The following ARHGAP17 variants were observed in gnomAD, a reference collection of about 807,000 sequenced individuals.
ARHGAP17 encodes rho GTPase-activating protein 17.
Under a neutral mutation model 99.5 loss-of-function variants are expected in ARHGAP17, and 57 were observed. The ratio of observed to expected loss-of-function variants is 0.57; its 90% CI spans 0.46 to 0.71. The LOEUF (loss-of-function observed/expected upper bound fraction) is 0.71, where lower values mean the gene tolerates loss of function less well. Among genes scored for constraint, ARHGAP17 ranks in the 30% least tolerant of loss-of-function variants. The pLI is 0.00. For missense variants in ARHGAP17, 1,000 were observed against 1,122.4 expected, an observed-to-expected ratio of 0.89 and a Z score of 1.56; for synonymous variants, 417 against 429.6, an observed-to-expected ratio of 0.97 and a Z score of 0.36.
intron 5 of ARHGAP17, 28 bp from the exon 6 acceptor site, chr16:24,968,455 T>C (rs758314889): frequency 3.9e-5 from 63 of 1,612,302 alleles, no homozygotes; most frequent in Non-Finnish European, 4.8e-5. Flanking sequence ...CCAAATGGGA[T>C]GCACTTCAGG....
intron 3 of ARHGAP17, 80 bp downstream of exon 3, chr16:24,977,135 A>G (rs1240262985): frequency 4.2e-6 from 5 of 1,182,588 alleles, no homozygotes; most frequent in Non-Finnish European, 5.6e-6. Context: ...GATGCCACTT[A>G]GGACAACCAA....
chr16:25,006,889 A>T (rs190995601), intron 1 of ARHGAP17, among the ~76,000 whole-genome samples: 1 of 152,220 alleles, frequency 6.6e-6, no homozygotes, highest in Non-Finnish European at 1.5e-5. Flanking sequence ...CTAGGGATAA[A>T]GAGACCCCAG....
intron 1 of ARHGAP17, among the ~76,000 whole-genome samples, chr16:25,008,822 T>C (rs1224210644): frequency 6.6e-6 from 1 of 152,242 alleles, no homozygotes. Context: ...GTTCATCATT[T>C]TTATGGTTTT....
chr16:24,932,554 G>C (rs1390269589), intron 18 of ARHGAP17, among the ~76,000 whole-genome samples: 1 of 152,090 alleles, frequency 6.6e-6, no homozygotes, highest in African/African-American at 2.4e-5. Context: ...CCTTCTCCTT[G>C]AGAGTTTGAT....
intron 1 of ARHGAP17, among the ~76,000 whole-genome samples, chr16:24,985,114 T>C (rs543253024): frequency 1.3e-5 from 2 of 152,276 alleles, no homozygotes; most frequent in East Asian, 3.9e-4. Context: ...ACATTTGTGG[T>C]TGTCATGATG....
chr16:24,938,160 G>C (rs1250231336), intron 17 of ARHGAP17, among the ~76,000 whole-genome samples: 1 of 152,124 alleles, frequency 6.6e-6, no homozygotes, highest in Non-Finnish European at 1.5e-5. Flanking sequence ...TCAGGAGTTT[G>C]AGACCAGCCT....
chr16:24,924,480 C>G (rs1043706089), intron 19 of ARHGAP17, among the ~76,000 whole-genome samples: 7 of 147,750 alleles, frequency 4.7e-5, no homozygotes, highest in African/African-American at 1.7e-4. Context: ...ACTGTATGAA[C>G]TTAGTTCCAA....
chr16:24,977,147 C>T, intron 3 of ARHGAP17, 68 bp downstream of exon 3: 1 of 1,308,202 alleles, frequency 7.6e-7, no homozygotes, highest in Non-Finnish European at 1.0e-6. Flanking sequence ...GACAACCAAC[C>T]AATCCAGGGG....
At chr16:24,969,286 A>G (rs1173154253) in intron 4 of ARHGAP17, among the ~76,000 whole-genome samples, 1 of 150,666 alleles carries the variant, frequency 6.6e-6, no homozygotes, top group East Asian at 1.9e-4. Flanking sequence ...GTGCAGTGAT[A>G]TAACTCCACA....
chr16:24,981,357 T>C (rs1007408577), intron 1 of ARHGAP17, among the ~76,000 whole-genome samples: 4 of 152,140 alleles, frequency 2.6e-5, no homozygotes, highest in Non-Finnish European at 5.9e-5. Flanking sequence ...TCATAGTAAC[T>C]AGTATGCTCA....
intron 18 of ARHGAP17, among the ~76,000 whole-genome samples, chr16:24,933,160 C>A (rs1186798528): frequency 6.6e-6 from 1 of 151,884 alleles, no homozygotes; most frequent in Non-Finnish European, 1.5e-5. Flanking sequence ...TCCTCTTCCT[C>A]CTTCCCCTAT....
At chr16:24,950,836 CAAAAAAAAAAAA>C (rs1177614713) in intron 12 of ARHGAP17, among the ~76,000 whole-genome samples, 2 of 39,444 alleles carry the variant, frequency 5.1e-5, no homozygotes, top group African/African-American at 1.0e-4. Context: ...GACTCCAACT[CAAAAAAAAAAAA>C]AAAAAAAAAA....
At chr16:24,988,234 T>C (rs2052932145) in intron 1 of ARHGAP17, among the ~76,000 whole-genome samples, 1 of 149,034 alleles carries the variant, frequency 6.7e-6, no homozygotes, top group African/African-American at 2.5e-5. Flanking sequence ...ATTTTTAAAA[T>C]AAACGACTCT....
rs548203253 is a variant in ARHGAP17, at chr16:24,968,835, G to A, written c.273-63C>T. 13 of 1,494,118 alleles carry A rather than the reference G, an allele frequency of 8.7e-6. No homozygotes were observed. The East Asian group carries it at 2.1e-4, about 24-fold the overall frequency. 92.6% of individuals were successfully genotyped at this position (1,494,118 alleles called of 1,614,324 possible). ...ATTAAATCAGGCACTGGATTATCGT[G>A]TGGATCAGTGCTGCTTGCCATACAA... is the stretch of plus-strand genomic sequence containing the variant. On this transcript the variant is annotated intron_variant, in intron 4 of 19. Transcript: ENST00000289968.
chr16:24,983,811 T>A (rs2052774708), intron 1 of ARHGAP17, among the ~76,000 whole-genome samples: 2 of 152,194 alleles, frequency 1.3e-5, no homozygotes, highest in Non-Finnish European at 2.9e-5. Flanking sequence ...ATGAAGCTAT[T>A]CTGCAATTTT....
chr16:24,968,468 T>C, intron 5 of ARHGAP17, 41 bp from the exon 6 acceptor site: 2 of 1,607,370 alleles, frequency 1.2e-6, no homozygotes, highest in Non-Finnish European at 1.7e-6. Flanking sequence ...ACTTCAGGGC[T>C]TTTAGGTTAA....
chr16:24,980,524 G>T (rs1320139827), intron 1 of ARHGAP17, among the ~76,000 whole-genome samples: 1 of 152,118 alleles, frequency 6.6e-6, no homozygotes, highest in Non-Finnish European at 1.5e-5. Flanking sequence ...CCAGCAACAG[G>T]CCAACATATG....
At chr16:24,926,414 C>T (rs1052146092) in intron 19 of ARHGAP17, among the ~76,000 whole-genome samples, 4 of 151,998 alleles carry the variant, frequency 2.6e-5, no homozygotes, top group Non-Finnish European at 2.9e-5. Context: ...GCACCCACCA[C>T]GACACCCAGC....
chr16:24,925,737 G>A (rs1288861305), intron 19 of ARHGAP17, among the ~76,000 whole-genome samples: 2 of 152,166 alleles, frequency 1.3e-5, no homozygotes, highest in Non-Finnish European at 2.9e-5. Context: ...AGCATATGAT[G>A]TAAAGTGAAA....
Sources: gnomAD v4.1 joint callset for allele counts (sites outside exome capture counted in the v4.1 genomes callset) on GRCh38, gnomAD v4.1.1 for gene constraint, MANE v1.5 for transcripts, NCBI Gene and HGNC (gene_info 2026-07-23, HGNC 2026-07-21) for gene names.